The following VPS52 variants were observed in gnomAD, a reference collection of about 807,000 sequenced individuals.
VPS52 encodes the protein vacuolar protein sorting-associated protein 52 homolog.
Under a neutral mutation model 98.7 loss-of-function variants are expected in VPS52, and 56 were observed. The observed-to-expected ratio is 0.57, with a 90% CI of 0.46 to 0.71. The LOEUF is 0.71. Ranked by LOEUF, VPS52 falls within the 30% of genes least tolerant of loss-of-function variation. The pLI, the probability that VPS52 is intolerant of heterozygous loss-of-function variation, is 0.00. For synonymous variants in VPS52, 348 were observed against 346.4 expected, an observed-to-expected ratio of 1.00 and a Z score of -0.05; for missense variants, 742 against 925.9, an observed-to-expected ratio of 0.80 and a Z score of 2.58.
Position 33,268,574 on chromosome 6 carries a change from T to A in VPS52, c.624A>T (p.Ala208=). 2 of 1,612,450 alleles carry A rather than the reference T, an allele frequency of 1.2e-6. No individual in the cohort carries two copies. The highest frequency in any genetic ancestry group is 1.7e-6 in the Non-Finnish European group (2 of 1,179,986). The change falls in exon 7 of 20, where the codon GCA becomes GCT. Residue 208 remains alanine (A), a synonymous_variant. Coordinates refer to ENST00000445902, the MANE Select transcript of VPS52 (RefSeq NM_022553.6). This position sits in a 1 kb window ranked among gnomAD's most constrained non-coding sequence, Gnocchi z 4.0. The stretch of plus-strand genomic sequence containing the variant: ...TGCCTCTAGCTTCCTGCTCTCTGAC[T>A]GCGGCTGCCTTGGCATCCAGCTCCT... ...QLQELDAKAA[A]VREQEARGTA... is the part of the protein sequence containing the mutation.
Position 33,267,128 on chromosome 6 carries a change from C to T in VPS52, c.1125+60G>A. On this transcript the variant is annotated intron_variant, in intron 11 of 19. Transcript: ENST00000445902. The surrounding 1 kb of genome is among the most constrained non-coding windows in gnomAD (Gnocchi z 4.2). ...TGGGAAGCTCTGCCCTGAGGTCTGG[C>T]CTTCCCTCCCCACCGTGCTCAGAGC... 1 of 1,450,634 alleles carries T rather than the reference C, an allele frequency of 6.9e-7. No homozygotes were observed. The highest frequency in any genetic ancestry group is 9.1e-7 in the Non-Finnish European group (1 of 1,099,992). The allele number at this position is 1,450,634 out of a possible 1,614,324, so 89.9% of individuals were successfully genotyped here. A position where few individuals can be genotyped will look rare whatever the true frequency, so the allele number is the denominator to read the frequency against.
chr6:33,259,703 A>T (rs1763408414), intron 17 of VPS52, among the ~76,000 whole-genome samples: 1 of 152,126 alleles, frequency 6.6e-6, no homozygotes, highest in African/African-American at 2.4e-5. Context: ...AGGAATCCAA[A>T]ATCCGAAAAA....
chr6:33,259,771 A>G (rs953937869), intron 17 of VPS52, among the ~76,000 whole-genome samples: 9 of 145,128 alleles, frequency 6.2e-5, no homozygotes, highest in Non-Finnish European at 1.1e-4. Flanking sequence ...CTTGGTCTCT[A>G]AAAAAAAAAA....
In VPS52 at chr6:33,255,462, CTTTTTTT is replaced by C. The variant is rs9280383; in HGVS notation, c.1795-3498_1795-3492del. On this transcript the variant is annotated intron_variant, in intron 17 of 19. Transcript: ENST00000445902. ...TACAAATGCATGCCACTACGCCTGG[CTTTTTTT>C]TTTTTTTTTTTTTTTTTTTAAAGAA... 5.8e-3 allele frequency among the ~76,000 whole-genome samples: 681 copies of C among 117,208 alleles called. 14 individuals are homozygous for C. The highest frequency in any genetic ancestry group is 0.017 in the African/African-American group (489 of 29,134). 76.9% of individuals were successfully genotyped at this position (117,208 alleles called of 152,430 possible).
chr6:33,264,433 G>A lies in VPS52; in HGVS notation c.1465C>T (p.Gln489Ter), dbSNP rs1163234228. 4 of 1,614,050 alleles carry A rather than the reference G, an allele frequency of 2.5e-6. No homozygotes were observed. The Admixed American group carries it at 6.7e-5, about 27-fold the overall frequency. The change falls in exon 14 of 20, where the codon CAG (glutamine) becomes TAG (stop). Residue 489 changes from glutamine to a stop codon, truncating the protein, a stop_gained. Coordinates refer to ENST00000445902, the MANE Select transcript of VPS52 (RefSeq NM_022553.6). LOFTEE classifies it high-confidence loss of function. ...TGGGGGTCAGTGCTTCGGACGCTCT[G>A]AACATTCATCTCCAGGATCAGTTCA... ...RFELILEMNV[Q>*]SVRSTDPQRL...
At chr6:33,263,735 T>C in intron 16 of VPS52, 37 bp downstream of exon 16, 2 of 1,613,148 alleles carry the variant, frequency 1.2e-6, no homozygotes, top group Non-Finnish European at 1.7e-6. Context: ...AACCGAATTT[T>C]CTGGGTAGGA....
Position 33,267,172 on chromosome 6 carries a change from T to C in VPS52, c.1125+16A>G. ...TCAGAGCCTCTTTCGTGACTGAAGC[T>C]TGTTCCTCCTCATACCCTCTGCTCT... On this transcript the variant is annotated intron_variant, in intron 11 of 19. Transcript: ENST00000445902. The surrounding 1 kb of genome is among the most constrained non-coding windows in gnomAD (Gnocchi z 4.2). The C allele has an allele frequency of 6.8e-7, 1 of 1,476,030 alleles. No individual in the cohort carries two copies. Among genetic ancestry groups the C allele is most frequent in the Non-Finnish European group, 9.0e-7 (1 of 1,111,820 alleles). The allele number at this position is 1,476,030 out of a possible 1,614,324, so 91.4% of individuals were successfully genotyped here.
In VPS52 at chr6:33,267,496, A is replaced by G; in HGVS notation, c.992-175T>C. 8.2e-7 allele frequency: 1 copy of G among 1,213,826 alleles called. No homozygotes were observed. The allele number at this position is 1,213,826 out of a possible 1,614,324, so 75.2% of individuals were successfully genotyped here. On this transcript the variant is annotated intron_variant, in intron 10 of 19. Coordinates refer to ENST00000445902, the MANE Select transcript of VPS52 (RefSeq NM_022553.6). The surrounding 1 kb of genome is among the most constrained non-coding windows in gnomAD (Gnocchi z 4.2). Reference sequence around the variant, plus strand: ...TCAGGGTGTCTCTCCCTCCCTTGCAATCATATGCAAAACTATGTGTCAAAA... The same window carrying G: ...TCAGGGTGTCTCTCCCTCCCTTGCAGTCATATGCAAAACTATGTGTCAAAA...
rs925121469 is a variant in VPS52 at position 33,264,648 on chromosome 6, A to G, written c.1400+134T>C. 3 of 1,413,536 alleles carry G rather than the reference A, an allele frequency of 2.1e-6. No individual in the cohort carries two copies. The African/African-American group carries it at 4.2e-5, about 20-fold the overall frequency. The allele number at this position is 1,413,536 out of a possible 1,614,324, so 87.6% of individuals were successfully genotyped here. A position where few individuals can be genotyped will look rare whatever the true frequency, so the allele number is the denominator to read the frequency against. On this transcript the variant is annotated intron_variant, in intron 13 of 19. Transcript: ENST00000445902. ...GAAAGGTGAGTCAAAAAGCAGCACTACTGCCTCCGGAGCAAATGAATGGGA... is the reference window on the plus strand; with the variant it reads ...GAAAGGTGAGTCAAAAAGCAGCACTGCTGCCTCCGGAGCAAATGAATGGGA...
Position 33,269,829 on chromosome 6 carries a change from C to T in VPS52, c.229-10G>A. The T allele has an allele frequency of 6.2e-7, 1 of 1,613,114 alleles. No homozygotes were observed. Among genetic ancestry groups the T allele is most frequent in the Non-Finnish European group, 8.5e-7 (1 of 1,179,466 alleles). On this transcript the variant is annotated splice_polypyrimidine_tract_variant and intron_variant, in intron 3 of 19. Transcript: ENST00000445902. ...GACGGAGATCTACACCCTGGGAGAA[C>T]ATAAAGATGACAGGTCAGAAGGAAG...
rs764755087 is a variant in VPS52 at position 33,263,481 on chromosome 6, T to C, written c.1794+3A>G. ...GTCTCTTCCCTTTTCCCCACACCCCTACCTGTGTCCGAGCATTGAGCAGCT... is the reference window on the plus strand; with the variant it reads ...GTCTCTTCCCTTTTCCCCACACCCCCACCTGTGTCCGAGCATTGAGCAGCT... On this transcript the variant is annotated splice_donor_region_variant and intron_variant, in intron 17 of 19. Coordinates refer to ENST00000445902, the MANE Select transcript of VPS52 (RefSeq NM_022553.6). 3 of 1,611,408 alleles carry C rather than the reference T, an allele frequency of 1.9e-6. No homozygotes were observed. In the South Asian group the frequency reaches 3.3e-5, roughly 18 times the overall value.
At chr6:33,264,216 C>T (rs1763999102) in intron 14 of VPS52, 113 bp from the exon 15 acceptor site, 1 of 1,539,880 alleles carries the variant, frequency 6.5e-7, no homozygotes, top group Non-Finnish European at 8.9e-7. Flanking sequence ...TTCAGTCCCT[C>T]CTACCCACAG....
At chr6:33,266,459 G>A (rs1251314797) in intron 12 of VPS52, 98 bp downstream of exon 12, 5 of 1,409,590 alleles carry the variant, frequency 3.5e-6, no homozygotes, top group Non-Finnish European at 4.7e-6. Flanking sequence ...AGAATGAGGC[G>A]ATCCTGATTT....
Position 33,251,774 on chromosome 6 carries a change from T to C in VPS52, c.1906+86A>G, listed in dbSNP as rs2150782814. On this transcript the variant is annotated intron_variant, in intron 18 of 19. Coordinates refer to ENST00000445902, the MANE Select transcript of VPS52 (RefSeq NM_022553.6). ...CTCAATCCAGTCTTTCATACTCTAT[T>C]CCCCCACCATGTAATCTGCATCCTT... 2.7e-6 allele frequency: 4 copies of C among 1,464,572 alleles called. No homozygotes were observed. The South Asian group carries it at 4.6e-5, about 17-fold the overall frequency. The allele number at this position is 1,464,572 out of a possible 1,614,324, so 90.7% of individuals were successfully genotyped here.
At chr6:33,265,233 C>T (rs994923744) in intron 12 of VPS52, among the ~76,000 whole-genome samples, 4 of 152,058 alleles carry the variant, frequency 2.6e-5, no homozygotes, top group South Asian at 2.1e-4. Flanking sequence ...CCTGCCACCA[C>T]GCCCGACTAA....
chr6:33,264,614 G>A, intron 13 of VPS52, 117 bp from the exon 14 acceptor site: 1 of 1,513,724 alleles, frequency 6.6e-7, no homozygotes, highest in Non-Finnish European at 9.1e-7. Context: ...TTGGGGGGCA[G>A]TGGTTGGAGA....
chr6:33,269,256 C>T, intron 5 of VPS52, 67 bp from the exon 6 acceptor site: 7 of 1,591,148 alleles, frequency 4.4e-6, no homozygotes, highest in South Asian at 1.1e-5. Flanking sequence ...CCACCAAAGA[C>T]TCTTTGTGAA....
rs561419827 is a variant in VPS52 at position 33,254,140 on chromosome 6, G to A, written c.1795-2169C>T. Among the ~76,000 whole-genome samples, 73 of 152,028 alleles carry A rather than the reference G, an allele frequency of 4.8e-4. 4 individuals are homozygous for A. The East Asian group carries it at 5.0e-3, about 10-fold the overall frequency. On this transcript the variant is annotated intron_variant, in intron 17 of 19. Transcript: ENST00000445902. ...AATACTAAAATTAGCCAGGTGTGGT[G>A]GTGCATGCCTGTAACCCCAGCTACT...
chr6:33,252,732 A>G (rs956747995), intron 17 of VPS52, among the ~76,000 whole-genome samples: 4 of 152,178 alleles, frequency 2.6e-5, no homozygotes, highest in Non-Finnish European at 5.9e-5. Flanking sequence ...TTATACAATG[A>G]ATTAGAATTT....
Sources: allele counts gnomAD v4.1 joint callset (sites outside exome capture counted in the v4.1 genomes callset), GRCh38; gene constraint gnomAD v4.1.1; non-coding constraint Gnocchi (gnomAD v3.1); transcripts MANE v1.5; gene names NCBI Gene and HGNC (gene_info 2026-07-23, HGNC 2026-07-21).